The following LRRC7 variants were observed in gnomAD, a reference collection of about 807,000 sequenced individuals.
The protein encoded by LRRC7 is leucine rich repeat containing 7.
In LRRC7, 23 loss-of-function variants were observed where a neutral mutation model predicts 175.7. The ratio of observed to expected loss-of-function variants is 0.13; its 90% CI spans 0.09 to 0.19. LRRC7 has a LOEUF of 0.19. LRRC7 is among the 10% of genes least tolerant of loss of function. The probability of loss-of-function intolerance (pLI) is 1.00; values close to 1 mark genes in which losing one functional copy is unlikely to be tolerated. For synonymous variants in LRRC7, 685 were observed against 680.9 expected (o/e 1.01, Z -0.09); for missense variants, 1,354 against 1,904.7 (o/e 0.71, Z 5.38).
rs898379343 is a variant in LRRC7, at chr1:69,857,737, G to C, written c.647+19454G>C. Among the ~76,000 whole-genome samples the C allele has an allele frequency of 6.6e-5, 10 of 152,066 alleles. 1 individual carries two copies. In the South Asian group the frequency reaches 1.0e-3, roughly 16 times the overall value. The stretch of plus-strand genomic sequence containing the variant: ...TCCCCATCAAGCTACCAATGACTTT[G>C]TTCACAGAATTGGAAAAAGCTACTT... On this transcript the variant is annotated intron_variant, in intron 7 of 26. Transcript: ENST00000651989.
chr1:70,063,761 A>T (rs1469670012), intron 23 of LRRC7, among the ~76,000 whole-genome samples: 1 of 152,056 alleles, frequency 6.6e-6, no homozygotes, highest in Admixed American at 6.6e-5. Context: ...AACAAACCAT[A>T]GGTTGAAAAG....
intron 1 of LRRC7, among the ~76,000 whole-genome samples, chr1:69,649,852 GA>G (rs35032125): frequency 0.13 from 19,283 of 147,048 alleles, 1,546 homozygotes; most frequent in South Asian, 0.19. Context: ...CAAAGTGATT[GA>G]AAAAAAAAAA....
rs186070238 is a variant in LRRC7 at position 70,004,699 on chromosome 1, A to G, written c.1005-7098A>G. 4.4e-3 allele frequency among the ~76,000 whole-genome samples: 664 copies of G among 151,564 alleles called. 3 individuals carry two copies. Among genetic ancestry groups the G allele is most frequent in the Non-Finnish European group, 7.7e-3 (523 of 67,806 alleles). On this transcript the variant is annotated intron_variant, in intron 11 of 26. Transcript: ENST00000651989. ...AATAGTTAAGCAGCTCACCTTTGCC[A>G]AACAAATCTCTCTCTCTCTCTCTCC...
At position 69,693,319 on chromosome 1, in the gene LRRC7, G is replaced by C. The variant is rs192875335; in HGVS notation, c.100+14841G>C. Among the ~76,000 whole-genome samples, 4 of 152,178 alleles carry C rather than the reference G, an allele frequency of 2.6e-5. No individual in the cohort carries two copies. The East Asian group carries it at 5.8e-4, about 22-fold the overall frequency. On this transcript the variant is annotated intron_variant, in intron 2 of 26. Coordinates refer to ENST00000651989, the MANE Select transcript of LRRC7 (RefSeq NM_001370785.2). ...GCTTATCTGAGACTCAAATTTGACC[G>C]AGTGTCTGTGTTAGTCACTGTTCTC...
chr1:70,023,946 G>T (rs562506855), intron 17 of LRRC7, among the ~76,000 whole-genome samples: 1 of 151,952 alleles, frequency 6.6e-6, no homozygotes, highest in Non-Finnish European at 1.5e-5. Flanking sequence ...GGCAAATAGG[G>T]CTTCCTTATC....
intron 1 of LRRC7, among the ~76,000 whole-genome samples, chr1:69,666,860 G>A (rs906195082): frequency 6.6e-6 from 1 of 151,470 alleles, no homozygotes; most frequent in Admixed American, 6.6e-5. Context: ...TTTGAGTTTG[G>A]TTTGCTCTTG....
chr1:69,685,387 C>A (rs1366762562), intron 2 of LRRC7, among the ~76,000 whole-genome samples: 3 of 152,086 alleles, frequency 2.0e-5, no homozygotes, highest in African/African-American at 4.8e-5. Flanking sequence ...AATCCACTGA[C>A]CCCAATACTA....
intron 18 of LRRC7, among the ~76,000 whole-genome samples, chr1:70,035,216 A>AAT (rs1659178115): frequency 6.6e-6 from 1 of 152,182 alleles, no homozygotes; most frequent in Non-Finnish European, 1.5e-5. Flanking sequence ...GCTATGCATA[A>AAT]ATATATATCA....
At chr1:69,679,739 ATATT>A (rs929876153) in intron 2 of LRRC7, among the ~76,000 whole-genome samples, 75 of 152,214 alleles carry the variant, frequency 4.9e-4, no homozygotes, top group African/African-American at 1.7e-3. Flanking sequence ...AGTTCTGTAA[ATATT>A]TAAATAAAAC....
chr1:69,799,537 A>T (rs941229554), intron 4 of LRRC7, among the ~76,000 whole-genome samples: 1 of 152,096 alleles, frequency 6.6e-6, no homozygotes, highest in Non-Finnish European at 1.5e-5. Context: ...AAAAGACATG[A>T]TTGCATTCTT....
chr1:69,977,834 T>C (rs1194034591), intron 8 of LRRC7, among the ~76,000 whole-genome samples: 2 of 152,168 alleles, frequency 1.3e-5, no homozygotes, highest in Admixed American at 1.3e-4. Flanking sequence ...AAAGTAAGCC[T>C]TTTGTGTTAA....
chr1:69,651,079 T>C (rs1182796224), intron 1 of LRRC7, among the ~76,000 whole-genome samples: 2 of 152,206 alleles, frequency 1.3e-5, no homozygotes, highest in African/African-American at 4.8e-5. Flanking sequence ...GTCAACTCTT[T>C]CTAATTAGGT....
rs1054717940 is a variant in LRRC7, at chr1:69,988,077, G to C, written c.931+1691G>C. Among the ~76,000 whole-genome samples, 239 of 152,196 alleles carry C rather than the reference G, an allele frequency of 1.6e-3. 4 individuals are homozygous for C. Among genetic ancestry groups the C allele is most frequent in the Non-Finnish European group, 1.2e-3 (83 of 68,028 alleles). On this transcript the variant is annotated intron_variant, in intron 10 of 26. Transcript: ENST00000651989. ...GTATGATTATAGAGAACATCCACTG[G>C]TCAAGATGACAGAGCAACTTAATAC...
intron 7 of LRRC7, among the ~76,000 whole-genome samples, chr1:69,844,250 C>T (rs1273514975): frequency 6.6e-6 from 1 of 152,070 alleles, no homozygotes; most frequent in African/African-American, 2.4e-5. Context: ...TTTAAGCATA[C>T]AGTACAGTAT....
chr1:69,997,290 G>A (rs566590579), intron 11 of LRRC7, among the ~76,000 whole-genome samples: 1 of 152,126 alleles, frequency 6.6e-6, no homozygotes, highest in East Asian at 1.9e-4. Context: ...TCAGCTGAAG[G>A]AGATTTTGGG....
intron 26 of LRRC7, among the ~76,000 whole-genome samples, chr1:70,108,627 C>T (rs1000229996): frequency 2.0e-5 from 3 of 152,076 alleles, no homozygotes; most frequent in Non-Finnish European, 2.9e-5. Flanking sequence ...AGAAATTTCC[C>T]GTTATATAAA....
chr1:69,944,448 G>A (rs534260448), intron 8 of LRRC7, among the ~76,000 whole-genome samples: 6 of 152,114 alleles, frequency 3.9e-5, no homozygotes, highest in South Asian at 2.1e-4. Flanking sequence ...CCCAGCTATC[G>A]TTAATAATGC....
intron 7 of LRRC7, among the ~76,000 whole-genome samples, chr1:69,879,020 G>A (rs1686304145): frequency 6.6e-6 from 1 of 150,428 alleles, no homozygotes; most frequent in East Asian, 1.9e-4. Flanking sequence ...AATGTACACT[G>A]AGAGTGAACC....
chr1:69,916,240 T>C (rs1646710809), intron 7 of LRRC7, among the ~76,000 whole-genome samples: 2 of 126,662 alleles, frequency 1.6e-5, no homozygotes, highest in Admixed American at 9.8e-5. Flanking sequence ...AAATATATTT[T>C]ATATAAAATA....
Sources: gnomAD v4.1 joint callset for allele counts (sites outside exome capture counted in the v4.1 genomes callset) on GRCh38, gnomAD v4.1.1 for gene constraint, MANE v1.5 for transcripts, NCBI Gene and HGNC (gene_info 2026-07-23, HGNC 2026-07-21) for gene names.